VCAN: variants seen among roughly 807,000 people sequenced by gnomAD.
The protein encoded by VCAN is versican, also known as versican core protein.
Under a neutral mutation model 245.5 loss-of-function variants are expected in VCAN, and 44 were observed. The ratio of observed to expected loss-of-function variants is 0.18; its 90% CI spans 0.14 to 0.23. VCAN has a LOEUF of 0.23. Among genes scored for constraint, VCAN ranks in the 10% least tolerant of loss-of-function variants. The pLI is 1.00. For synonymous variants in VCAN, 1,413 were observed against 1,437.0 expected (o/e 0.98, Z 0.38); for missense variants, 3,793 against 4,057.9 (o/e 0.93, Z 1.77).
At chr5:83,518,513 G>A (rs1367800563) in intron 6 of VCAN, among the ~76,000 whole-genome samples, 1 of 152,114 alleles carries the variant, frequency 6.6e-6, no homozygotes, top group Admixed American at 6.5e-5. Flanking sequence ...TTTACTTCCT[G>A]TTCTACATTT....
chr5:83,495,751 G>C (rs1745136224), intron 5 of VCAN, among the ~76,000 whole-genome samples: 1 of 152,180 alleles, frequency 6.6e-6, no homozygotes, highest in Non-Finnish European at 1.5e-5. Context: ...TTTTGCAAAA[G>C]TATATGTAAG....
Position 83,498,775 on chromosome 5 carries a change from T to G in VCAN, c.748+4844T>G, listed in dbSNP as rs575028508. 8.5e-5 allele frequency among the ~76,000 whole-genome samples: 13 copies of G among 152,356 alleles called. 1 individual carries two copies. In the South Asian group the frequency reaches 2.7e-3, roughly 32 times the overall value. ...TCACTTTTGAGTTTCATTTTTGGTTTTGGTTGTCACAAATAGTCCCCATCA... is the reference window on the plus strand; with the variant it reads ...TCACTTTTGAGTTTCATTTTTGGTTGTGGTTGTCACAAATAGTCCCCATCA... On this transcript the variant is annotated intron_variant, in intron 5 of 14. Coordinates refer to ENST00000265077, the MANE Select transcript of VCAN (RefSeq NM_004385.5).
At chr5:83,555,868 C>A (rs1284658885) in intron 12 of VCAN, among the ~76,000 whole-genome samples, 1 of 152,066 alleles carries the variant, frequency 6.6e-6, no homozygotes, top group Non-Finnish European at 1.5e-5. Context: ...ATCCACTGGG[C>A]TAGATAGTAA....
At chr5:83,568,916 A>G (rs1748182249) in intron 12 of VCAN, among the ~76,000 whole-genome samples, 1 of 152,136 alleles carries the variant, frequency 6.6e-6, no homozygotes. Context: ...ACACAAACAC[A>G]CACACATACA....
intron 12 of VCAN, among the ~76,000 whole-genome samples, chr5:83,560,307 T>G (rs138451655): frequency 6.6e-6 from 1 of 152,294 alleles, no homozygotes; most frequent in East Asian, 1.9e-4. Flanking sequence ...AGGCACATAT[T>G]CCGTAGGTAT....
chr5:83,516,898 C>T (rs927927391), intron 6 of VCAN, among the ~76,000 whole-genome samples: 1 of 152,180 alleles, frequency 6.6e-6, no homozygotes, highest in Non-Finnish European at 1.5e-5. Flanking sequence ...GACTTGTGAT[C>T]AAAATCAGCT....
At chr5:83,550,881 C>A (rs1307185307) in intron 10 of VCAN, among the ~76,000 whole-genome samples, 1 of 97,604 alleles carries the variant, frequency 1.0e-5, no homozygotes, top group Non-Finnish European at 2.0e-5. Context: ...GAGTGAGACT[C>A]CATCTCAAAA....
At chr5:83,533,609 G>A (rs1271355124) in intron 7 of VCAN, among the ~76,000 whole-genome samples, 1 of 152,100 alleles carries the variant, frequency 6.6e-6, no homozygotes, top group Non-Finnish European at 1.5e-5. Context: ...TTAATTTTGT[G>A]TGCAAAAACC....
rs1385361661 is a variant in VCAN, at chr5:83,538,390, C to G, written c.5387C>G (p.Thr1796Arg). The G allele has an allele frequency of 6.2e-7, 1 of 1,613,878 alleles. No individual in the cohort carries two copies. The highest frequency in any genetic ancestry group is 8.5e-7 in the Non-Finnish European group (1 of 1,179,972). Residue 1796 changes from threonine (T) to arginine (R), a missense_variant, in exon 8 of 15, where the codon ACA becomes AGA. By Grantham distance (71) the Thr-to-Arg change is moderately conservative. This residue lies in a region of VCAN where 3,182 missense variants were observed against 3,250.3 expected (regional missense o/e 0.98). Transcript: ENST00000265077. ...GATTCTACTCCTGTCTTTACAGAAA[C>G]AAATACATTAGAAAATTTGGGGGCA... ...MTDSTPVFTE[T>R]NTLENLGAQT...
At chr5:83,575,567 G>A (rs1748442127) in intron 13 of VCAN, among the ~76,000 whole-genome samples, 1 of 152,118 alleles carries the variant, frequency 6.6e-6, no homozygotes, top group African/African-American at 2.4e-5. Context: ...CAACAGCAGA[G>A]CTATTGACAT....
At chr5:83,476,810 T>A (rs1397068216) in intron 1 of VCAN, among the ~76,000 whole-genome samples, 2 of 152,140 alleles carry the variant, frequency 1.3e-5, no homozygotes, top group East Asian at 3.9e-4. Flanking sequence ...ATGTGTCAGT[T>A]CTGTTTCCTG....
At chr5:83,525,791 G>A (rs1746272904) in intron 7 of VCAN, among the ~76,000 whole-genome samples, 1 of 152,086 alleles carries the variant, frequency 6.6e-6, no homozygotes, top group South Asian at 2.1e-4. Context: ...TGCTATTAAA[G>A]ATTAATTACA....
chr5:83,570,724 T>C (rs1748255368), intron 12 of VCAN, among the ~76,000 whole-genome samples: 1 of 152,034 alleles, frequency 6.6e-6, no homozygotes, highest in African/African-American at 2.4e-5. Context: ...TATAGTACTT[T>C]GGTAAATACA....
chr5:83,472,917 A>C (rs1308606075), intron 1 of VCAN, among the ~76,000 whole-genome samples: 1 of 152,178 alleles, frequency 6.6e-6, no homozygotes, highest in African/African-American at 2.4e-5. Flanking sequence ...CATCTCAACA[A>C]GCAAACCGGC....
At chr5:83,577,864 C>T (rs751626873) in intron 13 of VCAN, among the ~76,000 whole-genome samples, 27 of 152,090 alleles carry the variant, frequency 1.8e-4, no homozygotes, top group Non-Finnish European at 2.5e-4. Flanking sequence ...GGTCTATTTT[C>T]CTGTCCTTGC....
intron 1 of VCAN, among the ~76,000 whole-genome samples, chr5:83,474,809 T>G (rs889911903): frequency 6.6e-6 from 1 of 152,252 alleles, no homozygotes; most frequent in African/African-American, 2.4e-5. Flanking sequence ...CCGAGTTCCA[T>G]CCAGACAGCG....
At position 83,483,597 on chromosome 5, in the gene VCAN, G is replaced by T; in HGVS notation, c.70+9G>T. 6.2e-7 allele frequency: 1 copy of T among 1,612,080 alleles called. No individual in the cohort carries two copies. The highest frequency in any genetic ancestry group is 1.1e-5 in the South Asian group (1 of 91,026). On this transcript the variant is annotated intron_variant, in intron 2 of 14. Transcript: ENST00000265077. ...CCATGCGCTACATAAAGGTGAGTGT[G>T]CTAACAATTTCTTTGGTGTTAATTG...
At chr5:83,484,369 C>T (rs1323077437) in intron 2 of VCAN, among the ~76,000 whole-genome samples, 1 of 152,086 alleles carries the variant, frequency 6.6e-6, no homozygotes, top group African/African-American at 2.4e-5. Context: ...ATCCATTCAT[C>T]TGTCCAAAAT....
Position 83,493,828 on chromosome 5 carries a change from A to G in VCAN, c.645A>G (p.Val215=), listed in dbSNP as rs4470745. The part of the protein sequence containing the change: ...TVRYPIRAPR[V]GCYGDKMGKA... ...GATATCCCATCCGGGCTCCCAGAGT[A>G]GGCTGTTATGGAGATAAGATGGGAA... is the stretch of plus-strand genomic sequence containing the variant. Residue 215 remains valine (V), a synonymous_variant, in exon 5 of 15, where the codon GTA becomes GTG. Transcript: ENST00000265077. 604,399 of 1,613,894 alleles carry G rather than the reference A, an allele frequency of 0.37. 118,135 individuals are homozygous for G. The highest frequency in any genetic ancestry group is 0.41 in the Non-Finnish European group (485,239 of 1,179,944).
Sources: allele counts gnomAD v4.1 joint callset (sites outside exome capture counted in the v4.1 genomes callset), GRCh38; gene constraint gnomAD v4.1.1; regional missense constraint gnomAD v4.1.1; transcripts MANE v1.5; gene names NCBI Gene and HGNC (gene_info 2026-07-23, HGNC 2026-07-21).